The following CBFA2T3 variants were observed in gnomAD, a reference collection of about 807,000 sequenced individuals.
CBFA2T3 encodes the protein CBFA2/RUNX1 partner transcriptional co-repressor 3.
CBFA2T3 carries 31 observed loss-of-function variants against 58.6 expected under a neutral mutation model. That is an observed-to-expected ratio of 0.53 (90% CI 0.40 to 0.71). The LOEUF (loss-of-function observed/expected upper bound fraction) is 0.71. CBFA2T3 is among the 30% of genes least tolerant of loss of function. The pLI is 0.00. For synonymous variants in CBFA2T3, 531 were observed against 421.9 expected, an observed-to-expected ratio of 1.26 and a Z score of -3.17; for missense variants, 1,076 against 963.1, an observed-to-expected ratio of 1.12 and a Z score of -1.55.
At chr16:88,936,916 A>C (rs186415084) in intron 1 of CBFA2T3, 9 of 152,302 alleles carry the variant, frequency 5.9e-5, no homozygotes, top group Middle Eastern at 3.4e-3. Context: ...GGGAGCAGTT[A>C]TCTCTCACTC....
chr16:88,903,661 G>A (rs1470538206), intron 1 of CBFA2T3, among the ~76,000 whole-genome samples: 1 of 62,390 alleles, frequency 1.6e-5, no homozygotes, highest in Admixed American at 1.9e-4. Context: ...TTCCCGGCTG[G>A]GGGGGGGGGC....
intron 1 of CBFA2T3, chr16:88,938,552 G>GCGCTGTT (rs1248220958): frequency 6.6e-6 from 1 of 152,306 alleles, no homozygotes; most frequent in Admixed American, 6.5e-5. Flanking sequence ...GACCCACCCA[G>GCGCTGTT]GAAGGCTCCA....
At chr16:88,934,556 G>A (rs972777827) in intron 1 of CBFA2T3, among the ~76,000 whole-genome samples, 4 of 152,244 alleles carry the variant, frequency 2.6e-5, no homozygotes, top group Non-Finnish European at 4.4e-5. Flanking sequence ...CACAGTGTGT[G>A]GTGCTGACCA....
chr16:88,880,818 G>A (rs1283412155), intron 9 of CBFA2T3, 30 bp from the exon 10 acceptor site: 1 of 1,557,498 alleles, frequency 6.4e-7, no homozygotes, highest in Non-Finnish European at 8.7e-7. Context: ...CACACAGGAT[G>A]GGCCACGCGG....
intron 1 of CBFA2T3, among the ~76,000 whole-genome samples, chr16:88,926,676 G>T (rs1971094737): frequency 6.6e-6 from 1 of 152,238 alleles, no homozygotes; most frequent in Non-Finnish European, 1.5e-5. Flanking sequence ...GGACAAGCTG[G>T]CCATGGTCCC....
At chr16:88,880,945 C>T (rs1255606668) in intron 9 of CBFA2T3, 157 bp from the exon 10 acceptor site, 2 of 725,434 alleles carry the variant, frequency 2.8e-6, no homozygotes, top group Non-Finnish European at 4.7e-6. Flanking sequence ...GGCTCAGGCA[C>T]CCAGGGCAGT....
chr16:88,952,487 C>T (rs1195141540), intron 1 of CBFA2T3, among the ~76,000 whole-genome samples: 1 of 152,162 alleles, frequency 6.6e-6, no homozygotes, highest in Non-Finnish European at 1.5e-5. Flanking sequence ...CAGTCCTTCT[C>T]CCACGGGGCA....
chr16:88,947,765 T>C (rs1971941944), intron 1 of CBFA2T3, among the ~76,000 whole-genome samples: 2 of 152,052 alleles, frequency 1.3e-5, no homozygotes. Context: ...AATAAAAAAG[T>C]TAGCCGGGTG....
intron 11 of CBFA2T3, 63 bp downstream of exon 11, chr16:88,879,207 T>A: frequency 7.2e-7 from 1 of 1,389,208 alleles, no homozygotes; most frequent in South Asian, 1.3e-5. Context: ...CTCATGGGGG[T>A]GGCGTGGGAC....
In CBFA2T3 at chr16:88,951,660, T is replaced by A. The variant is rs1486007863; in HGVS notation, c.151+24997A>T. On this transcript the variant is annotated intron_variant, in intron 1 of 11. Transcript: ENST00000268679. ...GGTGGGCACAGGGCTAGCAGGACAG[T>A]CATGCAGGCAGCCGCGGCCCCAGCG... 32 of 350,576 alleles carry A rather than the reference T, an allele frequency of 9.1e-5. No individual in the cohort carries two copies. The East Asian group carries it at 2.4e-3, about 27-fold the overall frequency. The allele number at this position is 350,576 out of a possible 1,614,324, so 21.7% of individuals were successfully genotyped here. A position where few individuals can be genotyped will look rare whatever the true frequency, so the allele number is the denominator to read the frequency against.
chr16:88,938,085 G>A (rs1207721054), intron 1 of CBFA2T3: 4 of 152,358 alleles, frequency 2.6e-5, no homozygotes, highest in South Asian at 2.1e-4. Context: ...TAGAGCAGCC[G>A]GGATGAGGCT....
intron 3 of CBFA2T3, among the ~76,000 whole-genome samples, chr16:88,893,580 C>T (rs1249701240): frequency 1.3e-5 from 2 of 152,150 alleles, no homozygotes; most frequent in African/African-American, 4.8e-5. Flanking sequence ...CGGCTGGACA[C>T]GCAGATGCCC....
intron 1 of CBFA2T3, among the ~76,000 whole-genome samples, chr16:88,930,008 C>T (rs1971234713): frequency 6.8e-6 from 1 of 147,568 alleles, no homozygotes; most frequent in Non-Finnish European, 1.5e-5. Context: ...CTACCAATAC[C>T]CACAGCTGCA....
At chr16:88,879,796 C>G (rs1284456712) in intron 10 of CBFA2T3, 3 of 286,654 alleles carry the variant, frequency 1.0e-5, no homozygotes, top group Non-Finnish European at 2.0e-5. Context: ...AGGCACTGCA[C>G]CCCTGCAGGG....
Position 88,969,125 on chromosome 16 carries a change from G to A in CBFA2T3, c.151+7532C>T, listed in dbSNP as rs185813022. Among the ~76,000 whole-genome samples, 20 of 152,288 alleles carry A rather than the reference G, an allele frequency of 1.3e-4. No individual in the cohort carries two copies. In the East Asian group the frequency reaches 3.3e-3, roughly 25 times the overall value. On this transcript the variant is annotated intron_variant, in intron 1 of 11. Coordinates refer to ENST00000268679, the MANE Select transcript of CBFA2T3 (RefSeq NM_005187.6). ...GCTGGCTCCACCGGCTCTGGGATTC[G>A]GCTGCAGCCTGGCCCGGATGCCGCC... is the stretch of plus-strand genomic sequence containing the variant.
chr16:88,917,854 GTGGGTGCGGAGGAGA>G (rs1210919925), intron 1 of CBFA2T3, among the ~76,000 whole-genome samples: 2 of 150,234 alleles, frequency 1.3e-5, no homozygotes, highest in African/African-American at 4.8e-5. Flanking sequence ...GGACGACAGA[GTGGGTGCGGAGGAGA>G]GCGTGGGTGC....
intron 1 of CBFA2T3, among the ~76,000 whole-genome samples, chr16:88,919,100 T>C (rs951353433): frequency 1.3e-5 from 2 of 152,238 alleles, no homozygotes; most frequent in Admixed American, 1.3e-4. Flanking sequence ...GGTCACGGCC[T>C]GTTCCTCTTC....
At position 88,876,913 on chromosome 16, in the gene CBFA2T3, G is replaced by A. The variant is rs1968852663; in HGVS notation, c.*63C>T. On this transcript the variant is annotated 3_prime_UTR_variant, in exon 12 of 12. Coordinates refer to ENST00000268679, the MANE Select transcript of CBFA2T3 (RefSeq NM_005187.6). ...CATCGGAGGCCAGGCACAGCATCCG[G>A]TGGGCCTGGAGCTGGGTGGGGTTGG... 6 of 1,258,462 alleles carry A rather than the reference G, an allele frequency of 4.8e-6. No homozygotes were observed. Among genetic ancestry groups the A allele is most frequent in the South Asian group, 3.5e-5 (2 of 57,256 alleles). The allele number at this position is 1,258,462 out of a possible 1,614,324, so 78.0% of individuals were successfully genotyped here.
At position 88,876,322 on chromosome 16, in the gene CBFA2T3, T is replaced by G. The variant is rs1045428142; in HGVS notation, c.*654A>C. 8.8e-6 allele frequency: 2 copies of G among 227,998 alleles called. No individual in the cohort carries two copies. Among genetic ancestry groups the G allele is most frequent in the Admixed American group, 1.1e-4 (2 of 17,602 alleles). The allele number at this position is 227,998 out of a possible 1,614,324, so 14.1% of individuals were successfully genotyped here. A position where few individuals can be genotyped will look rare whatever the true frequency, so the allele number is the denominator to read the frequency against. On this transcript the variant is annotated 3_prime_UTR_variant, in exon 12 of 12. Transcript: ENST00000268679. ...AAAATCTGAAACCAAAAATGCATCT[T>G]GAGTCAGAAATCGAAATCTTTCCTC...
Sources: allele counts gnomAD v4.1 joint callset (sites outside exome capture counted in the v4.1 genomes callset), GRCh38; gene constraint gnomAD v4.1.1; transcripts MANE v1.5; gene names NCBI Gene and HGNC (gene_info 2026-07-23, HGNC 2026-07-21).